The following HIVEP3 variants were observed in gnomAD, a reference collection of about 807,000 sequenced individuals.
HIVEP3 encodes transcription factor HIVEP3.
Under a neutral mutation model 152.8 loss-of-function variants are expected in HIVEP3, and 49 were observed. The observed-to-expected ratio is 0.32, with a 90% CI of 0.26 to 0.41. The LOEUF is 0.41. HIVEP3 is among the 10% of genes least tolerant of loss of function. The probability of loss-of-function intolerance (pLI) is 1.00; values close to 1 mark genes in which losing one functional copy is unlikely to be tolerated. For missense variants in HIVEP3, 2,790 were observed against 3,103.3 expected, an observed-to-expected ratio of 0.90 and a Z score of 2.40; for synonymous variants, 1,269 against 1,289.0, an observed-to-expected ratio of 0.98 and a Z score of 0.33.
At chr1:41,587,830 A>C (rs1352238139) in intron 3 of HIVEP3, among the ~76,000 whole-genome samples, 1 of 152,128 alleles carries the variant, frequency 6.6e-6, no homozygotes, top group Non-Finnish European at 1.5e-5. Flanking sequence ...AATTAATAGA[A>C]GTTCTCTGTG....
chr1:41,790,619 C>T (rs1220159171), intron 1 of HIVEP3, among the ~76,000 whole-genome samples: 1 of 152,096 alleles, frequency 6.6e-6, no homozygotes, highest in African/African-American at 2.4e-5. Flanking sequence ...CTTTCTTCTT[C>T]CTCTAAGAGC....
At position 41,507,496 on chromosome 1, in the gene HIVEP3, AC is replaced by A. The variant is rs1644395396; in HGVS notation, c.*2954del. ...GGCAAGGTTTGGCTCTGAAACCTCG[AC>A]CAGTTGGTTCCTCCCCCACTGCCCA... On this transcript the variant is annotated 3_prime_UTR_variant, in exon 9 of 9. Transcript: ENST00000372583. The A allele has an allele frequency of 6.6e-6, 1 of 152,306 alleles. No individual in the cohort carries two copies. The highest frequency in any genetic ancestry group is 2.1e-4 in the South Asian group (1 of 4,828). The allele number at this position is 152,306 out of a possible 1,614,324, so 9.4% of individuals were successfully genotyped here.
At chr1:41,769,592 A>C (rs1648222978) in intron 1 of HIVEP3, among the ~76,000 whole-genome samples, 1 of 152,234 alleles carries the variant, frequency 6.6e-6, no homozygotes, top group African/African-American at 2.4e-5. Context: ...GAAGTAAAAA[A>C]AGAAGTTAAG....
chr1:41,624,168 C>T (rs981621509), intron 3 of HIVEP3, among the ~76,000 whole-genome samples: 1 of 152,268 alleles, frequency 6.6e-6, no homozygotes, highest in African/African-American at 2.4e-5. Flanking sequence ...CCCATCTCTC[C>T]TCCTTCCTCC....
At chr1:41,787,539 T>C (rs56112742) in intron 1 of HIVEP3, among the ~76,000 whole-genome samples, 1,879 of 146,306 alleles carry the variant, frequency 0.013, 12 homozygotes, top group Non-Finnish European at 0.02. Context: ...TTCTTTCTTT[T>C]TTTTTTTTTT....
intron 1 of HIVEP3, among the ~76,000 whole-genome samples, chr1:42,026,783 C>T (rs1007739930): frequency 6.6e-6 from 1 of 152,148 alleles, no homozygotes; most frequent in Non-Finnish European, 1.5e-5. Context: ...CGAACTACAT[C>T]TAGGAGGGTT....
At chr1:41,773,823 G>A (rs928196155) in intron 1 of HIVEP3, among the ~76,000 whole-genome samples, 2 of 152,218 alleles carry the variant, frequency 1.3e-5, no homozygotes, top group African/African-American at 4.8e-5. Context: ...CCAGCTTTTA[G>A]TCAGTTAAAT....
In HIVEP3 at chr1:41,510,396, G is replaced by A; in HGVS notation, c.*55C>T. The A allele has an allele frequency of 1.5e-6, 2 of 1,365,676 alleles. No individual in the cohort carries two copies. Among genetic ancestry groups the A allele is most frequent in the African/African-American group, 1.5e-5 (1 of 66,686 alleles). 84.6% of individuals were successfully genotyped at this position (1,365,676 alleles called of 1,614,324 possible). A position where few individuals can be genotyped will look rare whatever the true frequency, so the allele number is the denominator to read the frequency against. ...GTGGGATGATTCGAGGAAAGTGGCT[G>A]GAAACGTCTGTTGCTGGACACTGGA... is the stretch of plus-strand genomic sequence containing the variant. On this transcript the variant is annotated 3_prime_UTR_variant, in exon 9 of 9. Coordinates refer to ENST00000372583, the MANE Select transcript of HIVEP3 (RefSeq NM_024503.5).
At chr1:41,742,031 T>C (rs1221831998) in intron 1 of HIVEP3, among the ~76,000 whole-genome samples, 1 of 152,248 alleles carries the variant, frequency 6.6e-6, no homozygotes, top group African/African-American at 2.4e-5. Flanking sequence ...TTTTTAGAAT[T>C]GATTCTGACT....
intron 1 of HIVEP3, among the ~76,000 whole-genome samples, chr1:41,898,637 G>A (rs187138291): frequency 1.3e-5 from 2 of 152,324 alleles, no homozygotes; most frequent in South Asian, 2.1e-4. Context: ...TACACAGGAC[G>A]TGGAATAAGT....
chr1:41,949,276 T>C (rs1021556192), intron 1 of HIVEP3, among the ~76,000 whole-genome samples: 6 of 152,238 alleles, frequency 3.9e-5, no homozygotes, highest in African/African-American at 1.4e-4. Context: ...TTCTTCCTTT[T>C]GTTATCGGAG....
chr1:41,592,969 C>T (rs1350365921), intron 3 of HIVEP3, among the ~76,000 whole-genome samples: 1 of 152,156 alleles, frequency 6.6e-6, no homozygotes, highest in Non-Finnish European at 1.5e-5. Flanking sequence ...TGGGCTGTCA[C>T]CACCTCCACC....
At chr1:41,972,208 A>G (rs1202012644) in intron 1 of HIVEP3, among the ~76,000 whole-genome samples, 1 of 152,096 alleles carries the variant, frequency 6.6e-6, no homozygotes, top group Non-Finnish European at 1.5e-5. Context: ...ACCCAGCCCA[A>G]TGACCATTTC....
chr1:41,583,046 G>T lies in HIVEP3; in HGVS notation c.1752C>A (p.Pro584=), dbSNP rs754895712. 4 of 1,614,040 alleles carry T rather than the reference G, an allele frequency of 2.5e-6. No homozygotes were observed. The highest frequency in any genetic ancestry group is 3.3e-4 in the Middle Eastern group (2 of 6,062). The change falls in exon 4 of 9, where the codon CCC becomes CCA. Residue 584 remains proline, a synonymous_variant. Transcript: ENST00000372583. The surrounding 1 kb of genome is among the most constrained non-coding windows in gnomAD (Gnocchi z 6.9). ...TTGCCGGCTGGCGCTTCAGCATCCG[G>T]GGGTGGGAGGTAAACACGTGACTGC... ...SHSSHVFTSH[P]RMLKRQPAIE...
intron 4 of HIVEP3, among the ~76,000 whole-genome samples, chr1:41,578,852 T>C (rs889986457): frequency 2.0e-5 from 3 of 152,136 alleles, no homozygotes; most frequent in African/African-American, 7.2e-5. Flanking sequence ...GTGACCAGAT[T>C]CAAGGGCCCA....
At chr1:41,872,261 C>T (rs1165352776) in intron 1 of HIVEP3, among the ~76,000 whole-genome samples, 1 of 152,206 alleles carries the variant, frequency 6.6e-6, no homozygotes, top group African/African-American at 2.4e-5. Context: ...AGGGAAATGA[C>T]ATAGTACAGA....
rs1449182661 is a variant in HIVEP3, at chr1:41,510,878, A to G, written c.6794T>C (p.Leu2265Pro). The change falls in exon 9 of 9, where the codon CTC becomes CCC. Residue 2265 changes from leucine (L) to proline (P), a missense_variant. Around this residue, in one of 9 missense-constraint regions of HIVEP3, gnomAD observed 816 missense variants for 806.5 expected, o/e 1.01. Transcript: ENST00000372583. Reference sequence around the variant, plus strand: ...GTCCCCGCCCTCCAGCTCTGAGGAGAGTGTGAATTTGGAGACCTTAGCCAC... The same window carrying G: ...GTCCCCGCCCTCCAGCTCTGAGGAGGGTGTGAATTTGGAGACCTTAGCCAC... ...SPVAKVSKFT[L>P]SSELEGGDYP... 6.2e-7 allele frequency: 1 copy of G among 1,612,816 alleles called. No individual in the cohort carries two copies. The highest frequency in any genetic ancestry group is 8.5e-7 in the Non-Finnish European group (1 of 1,179,800).
chr1:41,918,169 C>A lies in HIVEP3; in HGVS notation c.-801+244G>T, dbSNP rs1644902676. Among the ~76,000 whole-genome samples, 1 of 151,860 alleles carries A rather than the reference C, an allele frequency of 6.6e-6. No homozygotes were observed. Among genetic ancestry groups the A allele is most frequent in the Non-Finnish European group, 1.5e-5 (1 of 67,922 alleles). On this transcript the variant is annotated intron_variant, in intron 1 of 8. Transcript: ENST00000372583. This position sits in a 1 kb window ranked among gnomAD's most constrained non-coding sequence, Gnocchi z 4.3. ...GCGCGGGGGTCACTTGAGGCTCGCGCCGCTCCCCAGCACCAGGCCGAGCAG... is the reference window on the plus strand; with the variant it reads ...GCGCGGGGGTCACTTGAGGCTCGCGACGCTCCCCAGCACCAGGCCGAGCAG...
chr1:41,908,076 CA>C (rs1238959018), intron 1 of HIVEP3, among the ~76,000 whole-genome samples: 1 of 151,036 alleles, frequency 6.6e-6, no homozygotes, highest in Non-Finnish European at 1.5e-5. Context: ...CAAAACAAAA[CA>C]AAAAAATAGG....
Sources: allele counts gnomAD v4.1 joint callset (sites outside exome capture counted in the v4.1 genomes callset), GRCh38; gene constraint gnomAD v4.1.1; regional missense constraint gnomAD v4.1.1; non-coding constraint Gnocchi (gnomAD v3.1); transcripts MANE v1.5; gene names NCBI Gene and HGNC (gene_info 2026-07-23, HGNC 2026-07-21).